DTNA: variants seen among roughly 807,000 people sequenced by gnomAD.
The protein encoded by DTNA is dystrophin-related protein 3.
In DTNA, 43 loss-of-function variants were observed where a neutral mutation model predicts 100.7. The ratio of observed to expected loss-of-function variants is 0.43; its 90% CI spans 0.33 to 0.55. DTNA has a LOEUF of 0.55. Among genes scored for constraint, DTNA ranks in the 20% least tolerant of loss-of-function variants. The pLI is 0.04. For synonymous variants in DTNA, 349 were observed against 347.9 expected (o/e 1.00, Z -0.04); for missense variants, 798 against 953.9 (o/e 0.84, Z 2.15).
intron 15 of DTNA, among the ~76,000 whole-genome samples, chr18:34,854,756 G>C (rs934672243): frequency 6.6e-6 from 1 of 152,192 alleles, no homozygotes; most frequent in Non-Finnish European, 1.5e-5. Flanking sequence ...AGGGACCACA[G>C]CTGGGATTAA....
chr18:34,884,459 A>T (rs764088241), intron 21 of DTNA, among the ~76,000 whole-genome samples: 11 of 152,268 alleles, frequency 7.2e-5, no homozygotes, highest in African/African-American at 2.6e-4. Context: ...ATGACTTCCA[A>T]GAAAAGGACA....
At chr18:34,519,972 A>T (rs1485546560) in intron 1 of DTNA, among the ~76,000 whole-genome samples, 1 of 152,156 alleles carries the variant, frequency 6.6e-6, no homozygotes, top group Non-Finnish European at 1.5e-5. Flanking sequence ...TCACATTGTA[A>T]TGTTTACTTG....
At position 34,866,335 on chromosome 18, in the gene DTNA, A is replaced by G. The variant is rs582352; in HGVS notation, c.1743+2273A>G. 185,488 of 1,429,754 alleles carry G rather than the reference A, an allele frequency of 0.13. 14,865 individuals are homozygous for G. The highest frequency in any genetic ancestry group is 0.38 in the African/African-American group (26,361 of 69,326). The allele number at this position is 1,429,754 out of a possible 1,614,324, so 88.6% of individuals were successfully genotyped here. Reference sequence around the variant, plus strand: ...TTTTTTATAACTATCACTACTATCCACATCAAAAGAAGAACTATGACATCT... The same window carrying G: ...TTTTTTATAACTATCACTACTATCCGCATCAAAAGAAGAACTATGACATCT... On this transcript the variant is annotated intron_variant, in intron 17 of 22. Transcript: ENST00000444659.
intron 9 of DTNA, among the ~76,000 whole-genome samples, chr18:34,822,184 T>A (rs989124524): frequency 6.6e-6 from 1 of 152,202 alleles, no homozygotes; most frequent in African/African-American, 2.4e-5. Flanking sequence ...AAATAAGCCT[T>A]AAAATAAGCC....
At chr18:34,817,593 T>C (rs2095623918) in intron 7 of DTNA, among the ~76,000 whole-genome samples, 1 of 152,080 alleles carries the variant, frequency 6.6e-6, no homozygotes, top group Admixed American at 6.6e-5. Flanking sequence ...AAAAAAAATC[T>C]GTTTGTCAGA....
Position 34,603,017 on chromosome 18 carries a change from A to G in DTNA, c.-2+109503A>G, listed in dbSNP as rs556552557. Among the ~76,000 whole-genome samples, 5 of 151,790 alleles carry G rather than the reference A, an allele frequency of 3.3e-5. No individual in the cohort carries two copies. The South Asian group carries it at 1.0e-3, about 32-fold the overall frequency. On this transcript the variant is annotated intron_variant, in intron 1 of 19. Coordinates refer to the DTNA transcript ENST00000283365. ...GACTCCCTCTCAAAAAAAAAATACA[A>G]AATAAAAAATAAATTTAATTTAATT... is the stretch of plus-strand genomic sequence containing the variant.
At chr18:34,762,847 A>G (rs923091433) in intron 2 of DTNA, among the ~76,000 whole-genome samples, 2 of 152,238 alleles carry the variant, frequency 1.3e-5, no homozygotes, top group African/African-American at 4.8e-5. Context: ...TGAACAAAAC[A>G]CAGGGTCAGT....
intron 16 of DTNA, among the ~76,000 whole-genome samples, chr18:34,860,224 T>TG (rs1568812866): frequency 3.2e-5 from 4 of 126,214 alleles, no homozygotes; most frequent in Non-Finnish European, 5.0e-5. Flanking sequence ...TTTTTTGTTT[T>TG]TTTTTTTTTT....
intron 1 of DTNA, among the ~76,000 whole-genome samples, chr18:34,728,475 C>A (rs1254055715): frequency 6.6e-6 from 1 of 152,028 alleles, no homozygotes; most frequent in Admixed American, 6.5e-5. Context: ...CCTAAAATTT[C>A]TATTCTCATC....
chr18:34,796,049 G>A lies in DTNA; in HGVS notation c.362+1799G>A, dbSNP rs117358586. On this transcript the variant is annotated intron_variant, in intron 4 of 22. Coordinates refer to ENST00000444659, the MANE Select transcript of DTNA (RefSeq NM_001386795.1). ...AATCTTTATTTGGTGCCTATTCTTC[G>A]TATAGATAGGAAGCCTCCTGATGTG... 3.8e-3 allele frequency among the ~76,000 whole-genome samples: 573 copies of A among 152,314 alleles called. 16 individuals carry two copies. Among genetic ancestry groups the A allele is most frequent in the Admixed American group, 0.031 (473 of 15,298 alleles).
rs372736344 is a variant in DTNA, at chr18:34,520,890, C to A, written c.-2+27376C>A. Reference sequence around the variant, plus strand: ...ATGTTTTAAACAATTCCTACCCTATCTGAGTCCCCCGGCTCCCATATATCA... The same window carrying A: ...ATGTTTTAAACAATTCCTACCCTATATGAGTCCCCCGGCTCCCATATATCA... On this transcript the variant is annotated intron_variant, in intron 1 of 19. Coordinates refer to the DTNA transcript ENST00000283365. Among the ~76,000 whole-genome samples, 19 of 152,226 alleles carry A rather than the reference C, an allele frequency of 1.2e-4. No individual in the cohort carries two copies. In the East Asian group the frequency reaches 3.7e-3, roughly 29 times the overall value.
rs2093989114 is a variant in DTNA at position 34,775,341 on chromosome 18, C to T, written c.148+9300C>T. Among the ~76,000 whole-genome samples, 4 of 152,072 alleles carry T rather than the reference C, an allele frequency of 2.6e-5. 1 individual carries two copies. The highest frequency in any genetic ancestry group is 2.6e-4 in the Admixed American group (4 of 15,268). On this transcript the variant is annotated intron_variant, in intron 3 of 22. Transcript: ENST00000444659. ...CTCTACTAAAAATACAAAAAATTAA[C>T]CAGGCTTGGTGGTGGGCGCCAGTAG...
At chr18:34,720,082 G>A (rs1042785534) in intron 1 of DTNA, among the ~76,000 whole-genome samples, 1 of 152,138 alleles carries the variant, frequency 6.6e-6, no homozygotes, top group African/African-American at 2.4e-5. Context: ...TGCGAGGTTG[G>A]CAGCCAGAAA....
chr18:34,614,217 G>A (rs536993743), intron 1 of DTNA, among the ~76,000 whole-genome samples: 1 of 152,148 alleles, frequency 6.6e-6, no homozygotes, highest in Non-Finnish European at 1.5e-5. Context: ...GAGACTTACT[G>A]CTAAAAAGAA....
intron 3 of DTNA, among the ~76,000 whole-genome samples, chr18:34,768,394 A>T (rs1287946256): frequency 6.6e-6 from 1 of 152,202 alleles, no homozygotes; most frequent in Admixed American, 6.5e-5. Flanking sequence ...GGAATCAGGG[A>T]CTTGGCAACA....
At chr18:34,624,277 A>T (rs28606636) in intron 1 of DTNA, among the ~76,000 whole-genome samples, 1 of 152,228 alleles carries the variant, frequency 6.6e-6, no homozygotes, top group Non-Finnish European at 1.5e-5. Flanking sequence ...TCAGTGTCTC[A>T]TAAAGACACT....
At position 34,829,168 on chromosome 18, in the gene DTNA, T is replaced by C. The variant is rs979991196; in HGVS notation, c.1086-232T>C. On this transcript the variant is annotated intron_variant, in intron 10 of 22. Transcript: ENST00000444659. ...GCATGGTACCCATTAACCCAAAATA[T>C]GATTATTTCCCTTTTTTCCCATTTT... The C allele has an allele frequency of 1.4e-5, 23 of 1,611,838 alleles. No homozygotes were observed. The African/African-American group carries it at 2.5e-4, about 18-fold the overall frequency.
intron 1 of DTNA, among the ~76,000 whole-genome samples, chr18:34,618,353 A>T (rs1215341539): frequency 6.6e-6 from 1 of 152,190 alleles, no homozygotes; most frequent in Non-Finnish European, 1.5e-5. Context: ...GAAAATCCAG[A>T]GACAGAAGGA....
At chr18:34,524,742 GAC>G (rs1246939829) in intron 1 of DTNA, among the ~76,000 whole-genome samples, 2 of 151,696 alleles carry the variant, frequency 1.3e-5, no homozygotes, top group African/African-American at 2.4e-5. Flanking sequence ...ACTTTTTAGA[GAC>G]ACAAGAGGAT....
Sources: gnomAD v4.1 joint callset for allele counts (sites outside exome capture counted in the v4.1 genomes callset) on GRCh38, gnomAD v4.1.1 for gene constraint, MANE v1.5 for transcripts, NCBI Gene and HGNC (gene_info 2026-07-23, HGNC 2026-07-21) for gene names.